PLD1: variants seen among roughly 807,000 people sequenced by gnomAD.
PLD1 encodes choline phosphatase 1.
In PLD1, 112 loss-of-function variants were observed where a neutral mutation model predicts 137.1. The ratio of observed to expected loss-of-function variants is 0.82; its 90% CI spans 0.70 to 0.96. The LOEUF (loss-of-function observed/expected upper bound fraction) is 0.96. Among genes scored for constraint, PLD1 ranks in the 40% least tolerant of loss-of-function variants. The pLI, the probability that PLD1 is intolerant of heterozygous loss-of-function variation, is 0.00. For synonymous variants in PLD1, 431 were observed against 454.7 expected (o/e 0.95, Z 0.66); for missense variants, 1,321 against 1,342.0 (o/e 0.98, Z 0.24).
chr3:171,743,446 T>C (rs1719922775), intron 1 of PLD1, among the ~76,000 whole-genome samples: 1 of 152,168 alleles, frequency 6.6e-6, no homozygotes, highest in Non-Finnish European at 1.5e-5. Flanking sequence ...GCAAAAACAA[T>C]CATGGAAGGC....
At chr3:171,774,261 T>G (rs942665790) in intron 1 of PLD1, among the ~76,000 whole-genome samples, 1 of 152,178 alleles carries the variant, frequency 6.6e-6, no homozygotes, top group African/African-American at 2.4e-5. Flanking sequence ...GGATAAGGCC[T>G]GCACTGTGAA....
At chr3:171,784,133 A>T (rs1020191922) in intron 1 of PLD1, among the ~76,000 whole-genome samples, 1 of 152,230 alleles carries the variant, frequency 6.6e-6, no homozygotes, top group African/African-American at 2.4e-5. Flanking sequence ...AGACACATAA[A>T]GAGCTGGTGT....
intron 23 of PLD1, among the ~76,000 whole-genome samples, chr3:171,620,768 ATTATATATATTT>A (rs1414321245): frequency 2.0e-4 from 20 of 97,904 alleles, no homozygotes; most frequent in Middle Eastern, 6.1e-3. Context: ...ATATATATAT[ATTATATATATTT>A]TTTTTTTAAT....
At chr3:171,642,916 T>C in intron 22 of PLD1, 27 bp from the exon 23 acceptor site, 1 of 1,378,328 alleles carries the variant, frequency 7.3e-7, no homozygotes, top group Non-Finnish European at 1.0e-6. Context: ...GAGAAAATAA[T>C]TACAGAGGTT....
chr3:171,795,203 C>T (rs917475881), intron 1 of PLD1, among the ~76,000 whole-genome samples: 1 of 152,232 alleles, frequency 6.6e-6, no homozygotes, highest in Admixed American at 6.5e-5. Flanking sequence ...CAAGTGCAAA[C>T]TGACAGGCCC....
chr3:171,674,271 C>A (rs1713098861), intron 19 of PLD1, among the ~76,000 whole-genome samples: 1 of 152,146 alleles, frequency 6.6e-6, no homozygotes, highest in East Asian at 1.9e-4. Context: ...TTGGCTGTGG[C>A]CTTTTCTAAG....
At chr3:171,695,515 GT>G (rs1216690565) in intron 12 of PLD1, among the ~76,000 whole-genome samples, 1 of 152,126 alleles carries the variant, frequency 6.6e-6, no homozygotes, top group Non-Finnish European at 1.5e-5. Flanking sequence ...TTTCTAATTA[GT>G]TTTTTGTCAA....
intron 21 of PLD1, among the ~76,000 whole-genome samples, chr3:171,645,331 C>G (rs866759417): frequency 6.6e-6 from 1 of 152,122 alleles, no homozygotes; most frequent in Non-Finnish European, 1.5e-5. Context: ...TTGCTTGGAT[C>G]CCATGGAAAG....
chr3:171,753,877 C>T (rs1422208949), intron 1 of PLD1, among the ~76,000 whole-genome samples: 1 of 152,158 alleles, frequency 6.6e-6, no homozygotes, highest in Non-Finnish European at 1.5e-5. Context: ...TATTACGTTT[C>T]CCTGCTCAGC....
intron 1 of PLD1, among the ~76,000 whole-genome samples, chr3:171,796,761 C>G (rs1046116396): frequency 1.1e-4 from 17 of 152,126 alleles, no homozygotes; most frequent in African/African-American, 4.1e-4. Context: ...ACTCTTCCCT[C>G]TCTCTCATTT....
chr3:171,646,295 C>A (rs1445434300), intron 21 of PLD1, among the ~76,000 whole-genome samples: 2 of 152,216 alleles, frequency 1.3e-5, no homozygotes, highest in African/African-American at 2.4e-5. Context: ...TCCGATCCTA[C>A]TTAAACTTCT....
chr3:171,705,506 C>CA lies in PLD1; in HGVS notation c.1145+3248dup, dbSNP rs137871328. Among the ~76,000 whole-genome samples, 484 of 152,148 alleles carry CA rather than the reference C, an allele frequency of 3.2e-3. 1 individual carries two copies. Among genetic ancestry groups the CA allele is most frequent in the African/African-American group, 0.011 (469 of 41,516 alleles). Reference sequence around the variant, plus strand: ...GAACAATCACTTTAACTAGAATGTACAAATACCTCCTACAACTAAATAAGA... The same window carrying CA: ...GAACAATCACTTTAACTAGAATGTACAAAATACCTCCTACAACTAAATAAGA... On this transcript the variant is annotated intron_variant, in intron 11 of 26. Coordinates refer to ENST00000351298, the MANE Select transcript of PLD1 (RefSeq NM_002662.5).
intron 1 of PLD1, among the ~76,000 whole-genome samples, chr3:171,747,468 CTCT>C (rs1244237991): frequency 7.0e-6 from 1 of 143,120 alleles, no homozygotes; most frequent in Non-Finnish European, 1.5e-5. Context: ...TTCTCTTCCT[CTCT>C]TTTTTTTTTT....
intron 12 of PLD1, among the ~76,000 whole-genome samples, chr3:171,697,564 G>T (rs1342447603): frequency 6.6e-6 from 1 of 152,072 alleles, no homozygotes; most frequent in African/African-American, 2.4e-5. Flanking sequence ...CTGCATCCCA[G>T]CTGCAACTAG....
intron 22 of PLD1, among the ~76,000 whole-genome samples, chr3:171,644,596 C>T (rs960139098): frequency 7.2e-5 from 11 of 152,102 alleles, no homozygotes; most frequent in Admixed American, 7.2e-4. Context: ...ATGTAAAGCT[C>T]AATAGCTATT....
Position 171,677,625 on chromosome 3 carries a change from C to G in PLD1, c.1937G>C (p.Gly646Ala), listed in dbSNP as rs184673734. The G allele has an allele frequency of 6.8e-6, 11 of 1,613,982 alleles. No individual in the cohort carries two copies. The East Asian group carries it at 2.5e-4, about 36-fold the overall frequency. Reference sequence around the variant, plus strand: ...GAAGACGAAATTGCAGTAGTCCTTTCCATGCCAGAATCTGGTTTCCCCATG... The same window carrying G: ...GAAGACGAAATTGCAGTAGTCCTTTGCATGCCAGAATCTGGTTTCCCCATG... ...ELHGETRFWH[G>A]KDYCNFVFKD... is the part of the protein sequence containing the mutation. The change falls in exon 17 of 27, where the codon GGA becomes GCA. Residue 646 changes from glycine to alanine, a missense_variant. Physicochemically the swap from Gly to Ala is moderately conservative, Grantham distance 60. Coordinates refer to ENST00000351298, the MANE Select transcript of PLD1 (RefSeq NM_002662.5).
intron 21 of PLD1, among the ~76,000 whole-genome samples, chr3:171,646,379 G>A (rs1190674576): frequency 6.6e-6 from 1 of 152,120 alleles, no homozygotes; most frequent in African/African-American, 2.4e-5. Flanking sequence ...CTCTTTGGGG[G>A]ATCAGATTTT....
chr3:171,751,229 A>G (rs1720635598), intron 1 of PLD1, among the ~76,000 whole-genome samples: 1 of 152,240 alleles, frequency 6.6e-6, no homozygotes, highest in African/African-American at 2.4e-5. Flanking sequence ...CATGAACTAC[A>G]AACATGTAAA....
intron 1 of PLD1, among the ~76,000 whole-genome samples, chr3:171,751,367 A>G (rs1045517706): frequency 2.0e-5 from 3 of 152,162 alleles, no homozygotes; most frequent in African/African-American, 7.2e-5. Context: ...CAAATGGGAA[A>G]ATTACACACA....
Sources: allele counts gnomAD v4.1 joint callset (sites outside exome capture counted in the v4.1 genomes callset), GRCh38; gene constraint gnomAD v4.1.1; transcripts MANE v1.5; gene names NCBI Gene and HGNC (gene_info 2026-07-23, HGNC 2026-07-21).